Variants in HIBCH observed in about 807,000 individuals in gnomAD.
HIBCH encodes the protein 3-hydroxyisobutyryl-CoA hydrolase, mitochondrial.
In HIBCH, 50 loss-of-function variants were observed where a neutral mutation model predicts 58.2. The observed-to-expected ratio is 0.86, with a 90% CI of 0.68 to 1.09. The LOEUF is 1.09. Among genes scored for constraint, HIBCH ranks in the 50% least tolerant of loss-of-function variants. HIBCH has a pLI of 0.00. For missense variants in HIBCH, 450 were observed against 449.7 expected (o/e 1.00, Z -0.01); for synonymous variants, 151 against 146.9 (o/e 1.03, Z -0.20).
chr2:190,278,936 T>G (rs1349666142), intron 6 of HIBCH, among the ~76,000 whole-genome samples: 16 of 152,182 alleles, frequency 1.1e-4, no homozygotes. Context: ...CATCTTATAT[T>G]AAGAAATGCT....
rs3083429 is a variant in HIBCH, at chr2:190,194,477, TACACACACACACACACACACAC to T, written c.*18-4502_*18-4481del. On this transcript the variant is annotated intron_variant, in intron 1 of 1. Coordinates refer to the HIBCH transcript ENST00000399855. Reference sequence around the variant, plus strand: ...GTAGTGTTCCCACGTATCCTGTGTATACACACACACACACACACACACACACACACACACACACACACGCAGC... The same window carrying T: ...GTAGTGTTCCCACGTATCCTGTGTATACACACACACACACACACACGCAGC... 6.4e-5 allele frequency among the ~76,000 whole-genome samples: 9 copies of T among 141,370 alleles called. No individual in the cohort carries two copies. In the East Asian group the frequency reaches 8.2e-4, roughly 13 times the overall value. 92.7% of individuals were successfully genotyped at this position (141,370 alleles called of 152,430 possible).
intron 1 of HIBCH, among the ~76,000 whole-genome samples, chr2:190,198,777 C>G (rs1324323628): frequency 6.6e-6 from 1 of 151,952 alleles, no homozygotes; most frequent in African/African-American, 2.4e-5. Context: ...ACACTCAGTC[C>G]TCTTTAAAAT....
chr2:190,300,168 C>T (rs1456132532), intron 2 of HIBCH, among the ~76,000 whole-genome samples: 1 of 152,130 alleles, frequency 6.6e-6, no homozygotes, highest in Admixed American at 6.6e-5. Flanking sequence ...TTTATATTCC[C>T]TTAGGTATAC....
chr2:190,272,745 G>C (rs894783093), intron 6 of HIBCH, among the ~76,000 whole-genome samples: 1 of 152,056 alleles, frequency 6.6e-6, no homozygotes, highest in Non-Finnish European at 1.5e-5. Flanking sequence ...TTCCCAGAAT[G>C]CAATACCTTA....
intron 5 of HIBCH, 120 bp downstream of exon 5, chr2:190,290,285 C>A: frequency 1.4e-6 from 1 of 728,706 alleles, no homozygotes; most frequent in South Asian, 1.5e-5. Context: ...TTACTTATGC[C>A]TGGCACATGG....
At chr2:190,311,639 T>C (rs1330706375) in intron 1 of HIBCH, among the ~76,000 whole-genome samples, 1 of 152,188 alleles carries the variant, frequency 6.6e-6, no homozygotes, top group East Asian at 1.9e-4. Flanking sequence ...CTCAGAAATA[T>C]GACCAAAGTC....
chr2:190,215,926 G>C lies in HIBCH; in HGVS notation c.892-2851C>G, dbSNP rs1352381789. On this transcript the variant is annotated intron_variant, in intron 11 of 13. Transcript: ENST00000359678. The surrounding 1 kb of genome is among the most constrained non-coding windows in gnomAD (Gnocchi z 4.4). ...CTGTCTGTCAGACACGGGGGAGCCA[G>C]GGCACAGTTAAGGCTCAGCTCATGC... 1.3e-5 allele frequency: 2 copies of C among 152,550 alleles called. No individual in the cohort carries two copies. The highest frequency in any genetic ancestry group is 1.9e-4 in the East Asian group (1 of 5,208). The allele number at this position is 152,550 out of a possible 1,614,324, so 9.4% of individuals were successfully genotyped here.
Position 190,298,576 on chromosome 2 carries a change from C to T in HIBCH, c.79-1623G>A, listed in dbSNP as rs531867720. Among the ~76,000 whole-genome samples, 4 of 152,080 alleles carry T rather than the reference C, an allele frequency of 2.6e-5. No homozygotes were observed. In the South Asian group the frequency reaches 6.2e-4, roughly 24 times the overall value. ...TGAGAAGTCTGTTCATATCCTTCTCCCACTTTTTGATGGGTTTTTTTTTTC... is the reference window on the plus strand; with the variant it reads ...TGAGAAGTCTGTTCATATCCTTCTCTCACTTTTTGATGGGTTTTTTTTTTC... On this transcript the variant is annotated intron_variant, in intron 2 of 13. Coordinates refer to ENST00000359678, the MANE Select transcript of HIBCH (RefSeq NM_014362.4).
chr2:190,296,149 G>T (rs569222264), intron 3 of HIBCH, among the ~76,000 whole-genome samples: 1 of 152,116 alleles, frequency 6.6e-6, no homozygotes, highest in South Asian at 2.1e-4. Context: ...GGCCGGGTGC[G>T]GTGGCTCACG....
intron 6 of HIBCH, among the ~76,000 whole-genome samples, chr2:190,269,413 G>A (rs1470693985): frequency 1.3e-5 from 2 of 152,056 alleles, no homozygotes; most frequent in Non-Finnish European, 2.9e-5. Context: ...AGTGGGTGAA[G>A]GATATGAACA....
At chr2:190,252,881 G>A (rs750808233) in intron 7 of HIBCH, among the ~76,000 whole-genome samples, 26 of 152,094 alleles carry the variant, frequency 1.7e-4, no homozygotes, top group Non-Finnish European at 2.5e-4. Context: ...AATTATCTAC[G>A]GGTAACAACT....
intron 11 of HIBCH, among the ~76,000 whole-genome samples, chr2:190,219,740 A>G (rs1446260314): frequency 1.3e-5 from 2 of 152,202 alleles, no homozygotes; most frequent in African/African-American, 2.4e-5. Context: ...CTGCACACTA[A>G]GGGATAAATT....
chr2:190,265,252 C>T (rs1687201260), intron 6 of HIBCH, among the ~76,000 whole-genome samples: 1 of 151,712 alleles, frequency 6.6e-6, no homozygotes, highest in Non-Finnish European at 1.5e-5. Context: ...GTTTCTACAT[C>T]CTCACCAACA....
intron 2 of HIBCH, among the ~76,000 whole-genome samples, chr2:190,308,031 TTCTCTC>T (rs1020870693): frequency 6.6e-6 from 1 of 152,172 alleles, no homozygotes; most frequent in Non-Finnish European, 1.5e-5. Flanking sequence ...CTCTTTCTCT[TTCTCTC>T]TCTCTGTCTC....
chr2:190,223,859 G>A (rs1322806276), intron 11 of HIBCH, among the ~76,000 whole-genome samples: 8 of 152,224 alleles, frequency 5.3e-5, no homozygotes, highest in Non-Finnish European at 1.2e-4. Flanking sequence ...GAAGATGGGT[G>A]ATTTCTGTAT....
chr2:190,226,664 T>C (rs1026222415), intron 11 of HIBCH, among the ~76,000 whole-genome samples: 3 of 150,306 alleles, frequency 2.0e-5, no homozygotes, highest in African/African-American at 7.3e-5. Flanking sequence ...GACATGATTG[T>C]ATATTTAGAA....
intron 4 of HIBCH, among the ~76,000 whole-genome samples, chr2:190,294,199 G>T (rs970900961): frequency 3.3e-5 from 5 of 151,624 alleles, no homozygotes; most frequent in Admixed American, 3.3e-4. Context: ...AGATAGTCAG[G>T]TTATAAGACC....
At position 190,290,498 on chromosome 2, in the gene HIBCH, G is replaced by C. The variant is rs1479390222; in HGVS notation, c.305-13C>G. The C allele has an allele frequency of 6.5e-7, 1 of 1,540,000 alleles. No homozygotes were observed. The highest frequency in any genetic ancestry group is 8.9e-7 in the Non-Finnish European group (1 of 1,117,360). ...GCTTCCGAGATCACTAGGAAGGAAA[G>C]ATTACAAATAAAAAAAAAAAGATTT... On this transcript the variant is annotated splice_polypyrimidine_tract_variant and intron_variant, in intron 4 of 13. Coordinates refer to ENST00000359678, the MANE Select transcript of HIBCH (RefSeq NM_014362.4).
At chr2:190,269,190 A>G (rs1464192037) in intron 6 of HIBCH, among the ~76,000 whole-genome samples, 3 of 152,218 alleles carry the variant, frequency 2.0e-5, no homozygotes, top group Non-Finnish European at 4.4e-5. Flanking sequence ...CTTCATGACT[A>G]AAACAGCAAA....
Sources: allele counts gnomAD v4.1 joint callset (sites outside exome capture counted in the v4.1 genomes callset), GRCh38; gene constraint gnomAD v4.1.1; non-coding constraint Gnocchi (gnomAD v3.1); transcripts MANE v1.5; gene names NCBI Gene and HGNC (gene_info 2026-07-23, HGNC 2026-07-21).